Variants in TAAR1 observed in about 807,000 individuals in gnomAD.
TAAR1 encodes the protein trace amine-associated receptor 1.
Under a neutral mutation model 1.2 loss-of-function variants are expected in TAAR1, and 1 was observed. The ratio of observed to expected loss-of-function variants is 0.81; its 90% CI spans 0.29 to 3.86. TAAR1 has a LOEUF of 3.86. Ranked by LOEUF, TAAR1 falls within the 30% of genes most tolerant of loss-of-function variation. TAAR1 has a pLI of 0.18. For synonymous variants in TAAR1, 153 were observed against 132.2 expected (o/e 1.16, Z -1.08); for missense variants, 445 against 405.6 (o/e 1.10, Z -0.83).
chr6:132,645,682 A>G lies in TAAR1; in HGVS notation c.322T>C (p.Ser108Pro), dbSNP rs1421620750. The G allele has an allele frequency of 6.2e-7, 1 of 1,613,690 alleles. No individual in the cohort carries two copies. Among genetic ancestry groups the G allele is most frequent in the South Asian group, 1.1e-5 (1 of 91,068 alleles). ...AAAGACAAATGGAAAATGGAGGCTGAGCTCAGCATAATGTCGGTGCTTGTG... is the reference window on the plus strand; with the variant it reads ...AAAGACAAATGGAAAATGGAGGCTGGGCTCAGCATAATGTCGGTGCTTGTG... ...IHTSTDIMLS[S>P]ASIFHLSFIS... is the part of the protein sequence containing the mutation. Residue 108 changes from serine to proline, a missense_variant, in exon 2 of 2, where the codon TCA becomes CCA. Coordinates refer to ENST00000275216, the MANE Select transcript of TAAR1 (RefSeq NM_138327.4).
intron 1 of TAAR1, among the ~76,000 whole-genome samples, chr6:132,648,144 G>T (rs1270566806): frequency 6.6e-6 from 1 of 152,056 alleles, no homozygotes; most frequent in Admixed American, 6.6e-5. Context: ...ATTTAAGTTT[G>T]CATTTAACTA....
chr6:132,651,284 C>A (rs564612318), intron 1 of TAAR1, among the ~76,000 whole-genome samples: 22 of 152,156 alleles, frequency 1.4e-4, no homozygotes, highest in Non-Finnish European at 3.1e-4. Flanking sequence ...TTGGTGATTT[C>A]ATGCTGTATT....
At chr6:132,654,774 T>C (rs1011431097) in intron 1 of TAAR1, among the ~76,000 whole-genome samples, 2 of 152,270 alleles carry the variant, frequency 1.3e-5, no homozygotes, top group East Asian at 1.9e-4. Flanking sequence ...ATCTCAAGAA[T>C]TGGGAAACTG....
intron 1 of TAAR1, among the ~76,000 whole-genome samples, chr6:132,649,984 C>T (rs138602249): frequency 1.1e-3 from 162 of 152,244 alleles, no homozygotes; most frequent in Non-Finnish European, 1.7e-3. Context: ...TTTTATTGTC[C>T]ACCTAAATGA....
In TAAR1 at chr6:132,645,716, A is replaced by G; in HGVS notation, c.288T>C (p.Cys96=). 1 of 1,613,684 alleles carries G rather than the reference A, an allele frequency of 6.2e-7. No homozygotes were observed. Among genetic ancestry groups the G allele is most frequent in the Non-Finnish European group, 8.5e-7 (1 of 1,179,788 alleles). The change falls in exon 2 of 2, where the codon TGT becomes TGC. Residue 96 remains cysteine, a synonymous_variant. Transcript: ENST00000275216. ...TAATGTCGGTGCTTGTGTGAATTTT[A>G]CAGAAGACTTCTCCAAAATACCAAC... is the stretch of plus-strand genomic sequence containing the variant. ...EHCWYFGEVF[C]KIHTSTDIML...
chr6:132,647,848 C>T (rs939740396), intron 1 of TAAR1, among the ~76,000 whole-genome samples: 1 of 151,944 alleles, frequency 6.6e-6, no homozygotes, highest in Non-Finnish European at 1.5e-5. Context: ...TATCTTTTTC[C>T]CTTCCCTCTG....
chr6:132,645,762 A>G lies in TAAR1; in HGVS notation c.242T>C (p.Met81Thr). 6.2e-7 allele frequency: 1 copy of G among 1,613,788 alleles called. No individual in the cohort carries two copies. The highest frequency in any genetic ancestry group is 8.5e-7 in the Non-Finnish European group (1 of 1,179,842). Reference protein sequence around the residue: ...LLGCLVMPYSMVRSAEHCWYF... With the variant: ...LLGCLVMPYSTVRSAEHCWYF... The stretch of plus-strand genomic sequence containing the variant: ...CCAACAGTGCTCAGCAGATCTCACC[A>G]TACTGTAAGGCATGACCAGACACCC... Residue 81 changes from methionine to threonine, a missense_variant, in exon 2 of 2, where the codon ATG becomes ACG. Transcript: ENST00000275216.
intron 1 of TAAR1, among the ~76,000 whole-genome samples, chr6:132,658,042 T>G (rs1777826123): frequency 6.6e-6 from 1 of 152,142 alleles, no homozygotes; most frequent in African/African-American, 2.4e-5. Flanking sequence ...AAAATTATAC[T>G]TTTACTAAAT....
At chr6:132,651,044 C>T (rs1000285386) in intron 1 of TAAR1, among the ~76,000 whole-genome samples, 3 of 152,160 alleles carry the variant, frequency 2.0e-5, no homozygotes, top group African/African-American at 7.2e-5. Context: ...AGTTCTTAAC[C>T]AAGTTATTCT....
At chr6:132,652,761 T>C (rs1463717789) in intron 1 of TAAR1, among the ~76,000 whole-genome samples, 1 of 151,372 alleles carries the variant, frequency 6.6e-6, no homozygotes, top group African/African-American at 2.4e-5. Flanking sequence ...TTTATATTAT[T>C]GACTCAAGGA....
intron 1 of TAAR1, among the ~76,000 whole-genome samples, chr6:132,647,119 G>A (rs61227082): frequency 0.022 from 3,336 of 152,086 alleles, 91 homozygotes; most frequent in East Asian, 0.12. Flanking sequence ...CATGTGGGCC[G>A]TGGGCAAGGC....
intron 1 of TAAR1, among the ~76,000 whole-genome samples, chr6:132,648,040 G>A (rs1777706893): frequency 6.6e-6 from 1 of 152,034 alleles, no homozygotes; most frequent in African/African-American, 2.4e-5. Context: ...CATGATAGAA[G>A]CTAAACAGCA....
chr6:132,655,811 G>A (rs1777799462), intron 1 of TAAR1, among the ~76,000 whole-genome samples: 1 of 152,202 alleles, frequency 6.6e-6, no homozygotes, highest in African/African-American at 2.4e-5. Context: ...TTGTCAGGGT[G>A]GAGAGGAGAG....
chr6:132,654,533 T>C (rs1021232335), intron 1 of TAAR1, among the ~76,000 whole-genome samples: 2 of 152,230 alleles, frequency 1.3e-5, no homozygotes, highest in Admixed American at 6.5e-5. Flanking sequence ...TCAGGAACAC[T>C]GTATCTTTTA....
chr6:132,658,228 G>A (rs953759070), intron 1 of TAAR1, among the ~76,000 whole-genome samples: 1 of 152,162 alleles, frequency 6.6e-6, no homozygotes, highest in African/African-American at 2.4e-5. Flanking sequence ...AGGGTGAGGG[G>A]AAACAGCATT....
intron 1 of TAAR1, among the ~76,000 whole-genome samples, chr6:132,647,636 G>C (rs1056204413): frequency 9.6e-6 from 1 of 104,414 alleles, no homozygotes; most frequent in East Asian, 2.2e-4. Flanking sequence ...AAGAAAGAAA[G>C]AAAGAAAGAA....
At chr6:132,647,417 G>A (rs1297071887) in intron 1 of TAAR1, among the ~76,000 whole-genome samples, 2 of 136,618 alleles carry the variant, frequency 1.5e-5, no homozygotes, top group Non-Finnish European at 3.1e-5. Flanking sequence ...ACACAGACAT[G>A]TACATATATA....
At position 132,645,232 on chromosome 6, in the gene TAAR1, C is replaced by A. The variant is rs771236901; in HGVS notation, c.772G>T (p.Gly258Ter). 1 of 1,613,630 alleles carries A rather than the reference C, an allele frequency of 6.2e-7. No individual in the cohort carries two copies. Among genetic ancestry groups the A allele is most frequent in the Non-Finnish European group, 8.5e-7 (1 of 1,179,756 alleles). ...GGGCACCAGCATATTAGGAAAACTC[C>A]CATCACAATCCCCAATGTCTTCACA... The part of the protein sequence containing the change: ...KAVKTLGIVM[G>*]VFLICWCPFF... The change falls in exon 2 of 2, where the codon GGA becomes TGA. Residue 258 changes from glycine to a stop codon, truncating the protein, a stop_gained. Transcript: ENST00000275216. LOFTEE classifies it high-confidence loss of function.
In TAAR1 at chr6:132,655,644, C is replaced by T. The variant is rs114068256; in HGVS notation, c.-127+3486G>A. On this transcript the variant is annotated intron_variant, in intron 1 of 1. Transcript: ENST00000275216. ...GAATACAGAAGTAAGCCCCCACACC[C>T]GATCTGATTTGACTTTTCTAACAGT... 2.2e-3 allele frequency among the ~76,000 whole-genome samples: 332 copies of T among 152,222 alleles called. 1 individual carries two copies. The highest frequency in any genetic ancestry group is 6.8e-3 in the Middle Eastern group (2 of 294).
Sources: allele counts gnomAD v4.1 joint callset (sites outside exome capture counted in the v4.1 genomes callset), GRCh38; gene constraint gnomAD v4.1.1; transcripts MANE v1.5; gene names NCBI Gene and HGNC (gene_info 2026-07-23, HGNC 2026-07-21).